WDR72: variants seen among roughly 807,000 people sequenced by gnomAD.
The protein encoded by WDR72 is WD repeat domain 72.
A neutral mutation model predicts 124.2 loss-of-function variants in WDR72; 120 were observed. The ratio of observed to expected loss-of-function variants is 0.97; its 90% CI spans 0.83 to 1.12. WDR72 has a LOEUF of 1.12. WDR72 is among the 50% of genes most tolerant of loss of function. The probability of loss-of-function intolerance (pLI) is 0.00; values close to 1 mark genes in which losing one functional copy is unlikely to be tolerated. For synonymous variants in WDR72, 452 were observed against 441.7 expected (o/e 1.02, Z -0.29); for missense variants, 1,387 against 1,278.8 (o/e 1.08, Z -1.29).
At chr15:53,549,578 CT>C (rs1893640074) in intron 18 of WDR72, among the ~76,000 whole-genome samples, 1 of 152,056 alleles carries the variant, frequency 6.6e-6, no homozygotes, top group South Asian at 2.1e-4. Flanking sequence ...AATGGACCTG[CT>C]TCAAAAACAA....
At chr15:53,650,131 A>G (rs1369474463) in intron 14 of WDR72, among the ~76,000 whole-genome samples, 1 of 152,160 alleles carries the variant, frequency 6.6e-6, no homozygotes, top group African/African-American at 2.4e-5. Context: ...AATTTCTGCA[A>G]TATGTGATAA....
At chr15:53,678,134 A>T (rs1567021350) in intron 13 of WDR72, among the ~76,000 whole-genome samples, 1 of 152,230 alleles carries the variant, frequency 6.6e-6, no homozygotes, top group African/African-American at 2.4e-5. Context: ...AACTGAAGAA[A>T]GAACTTTATT....
At position 53,515,007 on chromosome 15, in the gene WDR72, C is replaced by CTATATA. The variant is rs1891355239; in HGVS notation, c.*2691_*2692insTATATA. The CTATATA allele has an allele frequency of 3.5e-5, 1 of 28,832 alleles. No individual in the cohort carries two copies. The highest frequency in any genetic ancestry group is 9.9e-5 in the Non-Finnish European group (1 of 10,068). 1.8% of individuals were successfully genotyped at this position (28,832 alleles called of 1,614,324 possible). ...ATATGATATTCCTTTGGGGGATATG[C>CTATATA]CATATATATATATATATACACACAT... is the stretch of plus-strand genomic sequence containing the variant. On this transcript the variant is annotated 3_prime_UTR_variant, in exon 20 of 20. Transcript: ENST00000360509.
intron 18 of WDR72, among the ~76,000 whole-genome samples, chr15:53,558,818 C>A (rs1386521372): frequency 6.6e-6 from 1 of 151,928 alleles, no homozygotes; most frequent in Non-Finnish European, 1.5e-5. Flanking sequence ...ATGGCACCTG[C>A]CTTTTGATTT....
chr15:53,526,697 A>G (rs1892137626), intron 18 of WDR72, among the ~76,000 whole-genome samples: 1 of 152,074 alleles, frequency 6.6e-6, no homozygotes, highest in Non-Finnish European at 1.5e-5. Flanking sequence ...GCTCATCACT[A>G]AAGTTCTTGG....
At chr15:53,658,754 T>C (rs1250260612) in intron 14 of WDR72, among the ~76,000 whole-genome samples, 1 of 152,214 alleles carries the variant, frequency 6.6e-6, no homozygotes, top group Non-Finnish European at 1.5e-5. Context: ...GGTTTGGAAA[T>C]AATATCTGAA....
intron 18 of WDR72, among the ~76,000 whole-genome samples, chr15:53,565,089 T>A (rs1339761670): frequency 6.6e-6 from 1 of 151,818 alleles, no homozygotes; most frequent in Non-Finnish European, 1.5e-5. Context: ...GGAAAGGTTT[T>A]GGGGAAAGGT....
chr15:53,635,438 C>G (rs1471126851), intron 14 of WDR72, among the ~76,000 whole-genome samples: 1 of 152,192 alleles, frequency 6.6e-6, no homozygotes, highest in Non-Finnish European at 1.5e-5. Flanking sequence ...GCCCTACACA[C>G]ATGTGGATAG....
At chr15:53,586,331 G>C (rs575620946) in intron 18 of WDR72, among the ~76,000 whole-genome samples, 6 of 151,980 alleles carry the variant, frequency 3.9e-5, no homozygotes, top group Non-Finnish European at 5.9e-5. Context: ...TGGACTATTG[G>C]ACTTTAAGGA....
intron 14 of WDR72, among the ~76,000 whole-genome samples, chr15:53,620,932 T>C (rs1367316583): frequency 1.3e-5 from 2 of 151,866 alleles, no homozygotes. Context: ...GAATCTACAA[T>C]GAACTCAAAC....
At chr15:53,595,100 A>G (rs2012708737) in intron 18 of WDR72, among the ~76,000 whole-genome samples, 1 of 152,062 alleles carries the variant, frequency 6.6e-6, no homozygotes, top group South Asian at 2.1e-4. Flanking sequence ...AGTATTCTAA[A>G]TTTCTTCCAC....
At chr15:53,559,638 G>A (rs982303825) in intron 18 of WDR72, among the ~76,000 whole-genome samples, 9 of 151,994 alleles carry the variant, frequency 5.9e-5, no homozygotes, top group African/African-American at 2.2e-4. Context: ...TACACAGGAG[G>A]ACAAAACCAA....
chr15:53,711,106 A>G (rs1424068976), intron 8 of WDR72, among the ~76,000 whole-genome samples, 153 bp from the exon 9 acceptor site: 1 of 152,210 alleles, frequency 6.6e-6, no homozygotes, highest in Non-Finnish European at 1.5e-5. Context: ...TGACTTTTTG[A>G]AAACCCAGCA....
At chr15:53,743,265 A>G (rs1283375544) in intron 1 of WDR72, among the ~76,000 whole-genome samples, 1 of 152,096 alleles carries the variant, frequency 6.6e-6, no homozygotes, top group African/African-American at 2.4e-5. Flanking sequence ...TGATTTTTAT[A>G]GAGTTTAATT....
chr15:53,715,451 T>C lies in WDR72; in HGVS notation c.340-84A>G, dbSNP rs1595869501. 3.9e-6 allele frequency: 6 copies of C among 1,520,762 alleles called. No individual in the cohort carries two copies. The South Asian group carries it at 4.6e-5, about 12-fold the overall frequency. The allele number at this position is 1,520,762 out of a possible 1,614,324, so 94.2% of individuals were successfully genotyped here. A position where few individuals can be genotyped will look rare whatever the true frequency, so the allele number is the denominator to read the frequency against. Reference sequence around the variant, plus strand: ...CTACATTGAAGATTTCTCTAGACTTTAGTTTTAGCATATGATCAATTAAGG... The same window carrying C: ...CTACATTGAAGATTTCTCTAGACTTCAGTTTTAGCATATGATCAATTAAGG... On this transcript the variant is annotated intron_variant, in intron 4 of 19. Coordinates refer to ENST00000360509, the MANE Select transcript of WDR72 (RefSeq NM_182758.4).
intron 13 of WDR72, among the ~76,000 whole-genome samples, chr15:53,670,654 C>T (rs1806058656): frequency 6.6e-6 from 1 of 152,214 alleles, no homozygotes; most frequent in Non-Finnish European, 1.5e-5. Flanking sequence ...AGTTACTTTA[C>T]ATCTCTGTGC....
At chr15:53,689,959 C>T (rs912365471) in intron 13 of WDR72, among the ~76,000 whole-genome samples, 13 of 149,806 alleles carry the variant, frequency 8.7e-5, no homozygotes, top group East Asian at 6.0e-4. Context: ...AGTAAACTAT[C>T]GCAAGAACAA....
chr15:53,759,793 G>C (rs1418123798), upstream of WDR72: 1 of 142,514 alleles, frequency 7.0e-6, no homozygotes, highest in Non-Finnish European at 1.5e-5. Flanking sequence ...AGCCGCCCGC[G>C]GGCGGGTGCA....
intron 14 of WDR72, among the ~76,000 whole-genome samples, chr15:53,623,058 T>C (rs537825981): frequency 5.3e-5 from 8 of 152,244 alleles, no homozygotes; most frequent in Admixed American, 1.3e-4. Context: ...TAGAGAGAAA[T>C]AGTTTGTAAA....
Sources: gnomAD v4.1 joint callset for allele counts (sites outside exome capture counted in the v4.1 genomes callset) on GRCh38, gnomAD v4.1.1 for gene constraint, MANE v1.5 for transcripts, NCBI Gene and HGNC (gene_info 2026-07-23, HGNC 2026-07-21) for gene names.